The following MTRF1 variants were observed in gnomAD, a reference collection of about 807,000 sequenced individuals.
MTRF1 encodes peptide chain release factor 1, mitochondrial.
MTRF1 carries 51 observed loss-of-function variants against 62.9 expected under a neutral mutation model. The observed-to-expected ratio is 0.81, with a 90% confidence interval of 0.65 to 1.02. The LOEUF is 1.02. MTRF1 is among the 50% of genes least tolerant of loss of function. The pLI is 0.00. For synonymous variants in MTRF1, 158 were observed against 181.9 expected, an observed-to-expected ratio of 0.87 and a Z score of 1.06; for missense variants, 446 against 530.0, an observed-to-expected ratio of 0.84 and a Z score of 1.56.
the MTRF1 span, among the ~76,000 whole-genome samples, chr13:41,306,717 A>G: frequency 6.6e-6 from 1 of 152,178 alleles, no homozygotes; most frequent in African/African-American, 2.4e-5. Flanking sequence ...AGATGTGGTT[A>G]CTGTTATTTT....
chr13:41,239,017 TA>T (rs138836913), intron 6 of MTRF1, among the ~76,000 whole-genome samples: 12 of 145,416 alleles, frequency 8.3e-5, no homozygotes, highest in Non-Finnish European at 1.1e-4. Flanking sequence ...TCATTATCAC[TA>T]AAAAAAAAAG....
At position 41,257,070 on chromosome 13, in the gene MTRF1, G is replaced by GGTGAACCAGGCATGTTAACAAC. The variant is rs553559052; in HGVS notation, c.416-2472_416-2451dup. On this transcript the variant is annotated intron_variant, in intron 2 of 9. Coordinates refer to ENST00000379480, the MANE Select transcript of MTRF1 (RefSeq NM_004294.4). ...TTGTAAGAGGACTGGCTTTTAACAA[G>GGTGAACCAGGCATGTTAACAAC]GTGAACCAGGCATGTTAACAACGTG... is the stretch of plus-strand genomic sequence containing the variant. Among the ~76,000 whole-genome samples the GGTGAACCAGGCATGTTAACAAC allele has an allele frequency of 9.8e-4, 150 of 152,310 alleles. 1 individual carries two copies. Among genetic ancestry groups the GGTGAACCAGGCATGTTAACAAC allele is most frequent in the Admixed American group, 4.0e-3 (61 of 15,296 alleles).
chr13:41,286,088 CAA>C, the MTRF1 span, among the ~76,000 whole-genome samples: 189 of 110,048 alleles, frequency 1.7e-3, 3 homozygotes, highest in Middle Eastern at 0.01. Flanking sequence ...ACAACAACAA[CAA>C]AAAAAAAAAA....
the MTRF1 span, among the ~76,000 whole-genome samples, chr13:41,285,893 G>A: frequency 4.0e-5 from 6 of 151,706 alleles, no homozygotes; most frequent in Non-Finnish European, 5.9e-5. Context: ...GTGAAACCCC[G>A]TCTCTACTAA....
chr13:41,272,248 A>AT, the MTRF1 span, among the ~76,000 whole-genome samples: 2 of 152,242 alleles, frequency 1.3e-5, no homozygotes, highest in Non-Finnish European at 2.9e-5. Context: ...AATTCTTTAC[A>AT]GGGATTCAAG....
chr13:41,268,858 T>G, the MTRF1 span, among the ~76,000 whole-genome samples: 1 of 152,112 alleles, frequency 6.6e-6, no homozygotes, highest in Admixed American at 6.5e-5. Context: ...TTTTTTTACA[T>G]CAAGCCCAAT....
the MTRF1 span, among the ~76,000 whole-genome samples, chr13:41,270,672 A>G: frequency 6.6e-6 from 1 of 152,208 alleles, no homozygotes; most frequent in Non-Finnish European, 1.5e-5. Flanking sequence ...AAAAATTAAA[A>G]TGAATGTAAT....
At chr13:41,252,580 TA>T in intron 5 of MTRF1, 64 bp downstream of exon 5, 1 of 1,284,838 alleles carries the variant, frequency 7.8e-7, no homozygotes, top group Non-Finnish European at 1.1e-6. Flanking sequence ...AATATGGTTC[TA>T]ATCAAGATCA....
the MTRF1 span, among the ~76,000 whole-genome samples, chr13:41,272,946 C>G: frequency 1.3e-5 from 2 of 152,052 alleles, no homozygotes; most frequent in Non-Finnish European, 2.9e-5. Context: ...GGGGTGCTCC[C>G]AGACCTCAGC....
chr13:41,256,942 G>A (rs1640509653), intron 2 of MTRF1, among the ~76,000 whole-genome samples: 1 of 152,168 alleles, frequency 6.6e-6, no homozygotes, highest in South Asian at 2.1e-4. Flanking sequence ...AGGGGCTGAG[G>A]TTAAGACAGT....
At chr13:41,306,862 A>G in the MTRF1 span, among the ~76,000 whole-genome samples, 8 of 152,324 alleles carry the variant, frequency 5.3e-5, no homozygotes, top group East Asian at 1.5e-3. Context: ...TTTACACAGT[A>G]TTTGTTTTTT....
At chr13:41,263,125 A>G in intron 1 of MTRF1, 1 of 481,802 alleles carries the variant, frequency 2.1e-6, no homozygotes, top group Non-Finnish European at 3.7e-6. Flanking sequence ...ACAGAATAAA[A>G]GGATGACAAA....
chr13:41,256,702 A>G (rs892524846), intron 2 of MTRF1, among the ~76,000 whole-genome samples: 6 of 152,186 alleles, frequency 3.9e-5, no homozygotes, highest in African/African-American at 1.4e-4. Context: ...GACATTACTT[A>G]ATAGAGATCT....
chr13:41,264,173 T>G (rs1245179001), upstream of MTRF1, among the ~76,000 whole-genome samples: 1 of 152,238 alleles, frequency 6.6e-6, no homozygotes, highest in African/African-American at 2.4e-5. Context: ...CTTCCATTGC[T>G]TCAGAAAATA....
At chr13:41,260,452 TCATAGC>T in intron 2 of MTRF1, 35 bp downstream of exon 2, 1 of 1,479,478 alleles carries the variant, frequency 6.8e-7, no homozygotes, top group South Asian at 1.3e-5. Context: ...GTTTTTTTTT[TCATAGC>T]CCTTATGCAG....
At chr13:41,265,690 G>A (rs1034894859), upstream of MTRF1, among the ~76,000 whole-genome samples, 7 of 152,020 alleles carry the variant, frequency 4.6e-5, no homozygotes, top group African/African-American at 7.2e-5. Flanking sequence ...AAGAGGTTAC[G>A]TGAGTACACT....
the MTRF1 span, among the ~76,000 whole-genome samples, chr13:41,278,501 T>A: frequency 1.3e-5 from 2 of 152,222 alleles, no homozygotes; most frequent in African/African-American, 4.8e-5. Flanking sequence ...ATTTACGGCC[T>A]ATGCTCTATG....
chr13:41,289,699 G>A, the MTRF1 span, among the ~76,000 whole-genome samples: 2 of 152,258 alleles, frequency 1.3e-5, no homozygotes, highest in African/African-American at 2.4e-5. Flanking sequence ...CTGAATCCCT[G>A]CAAAACTATC....
chr13:41,220,340 A>C (rs945109014), intron 9 of MTRF1, among the ~76,000 whole-genome samples: 8 of 151,622 alleles, frequency 5.3e-5, no homozygotes, highest in African/African-American at 1.5e-4. Context: ...AAAAAAAAAA[A>C]AAAAAACAGG....
Sources: allele counts gnomAD v4.1 joint callset (sites outside exome capture counted in the v4.1 genomes callset), GRCh38; gene constraint gnomAD v4.1.1; transcripts MANE v1.5; gene names NCBI Gene and HGNC (gene_info 2026-07-23, HGNC 2026-07-21).